CALCR: variants seen among roughly 807,000 people sequenced by gnomAD.
CALCR encodes the protein calcitonin receptor.
A neutral mutation model predicts 59.5 loss-of-function variants in CALCR; 47 were observed. That is an observed-to-expected ratio of 0.79 (90% CI 0.63 to 1.01). The LOEUF is 1.01. Among genes scored for constraint, CALCR ranks in the 50% least tolerant of loss-of-function variants. The pLI is 0.00. For missense variants in CALCR, 566 were observed against 597.1 expected, an observed-to-expected ratio of 0.95 and a Z score of 0.54; for synonymous variants, 213 against 211.3, an observed-to-expected ratio of 1.01 and a Z score of -0.07.
intron 2 of CALCR, among the ~76,000 whole-genome samples, chr7:93,569,475 C>G (rs929776169): frequency 6.6e-6 from 1 of 152,146 alleles, no homozygotes; most frequent in Non-Finnish European, 1.5e-5. Context: ...CTAGCTCATT[C>G]TGTTCTGTCA....
intron 6 of CALCR, among the ~76,000 whole-genome samples, chr7:93,471,768 T>C (rs10250228): frequency 0.46 from 70,423 of 151,518 alleles, 16,621 homozygotes; most frequent in South Asian, 0.56. Context: ...TGTTCCCCAC[T>C]CGCCATTTGC....
chr7:93,510,597 G>A (rs1801524490), intron 2 of CALCR, among the ~76,000 whole-genome samples: 1 of 152,194 alleles, frequency 6.6e-6, no homozygotes, highest in Non-Finnish European at 1.5e-5. Flanking sequence ...GTGGGGTAAG[G>A]TGGCTCAAGC....
chr7:93,460,397 T>C (rs1244550051), intron 8 of CALCR, among the ~76,000 whole-genome samples: 1 of 150,444 alleles, frequency 6.6e-6, no homozygotes, highest in Non-Finnish European at 1.5e-5. Flanking sequence ...CTACTAAAAA[T>C]ACAAAAAAAT....
chr7:93,521,948 A>G (rs1050002303), intron 2 of CALCR, among the ~76,000 whole-genome samples: 3 of 152,146 alleles, frequency 2.0e-5, no homozygotes, highest in Admixed American at 6.5e-5. Context: ...AAAACTACCA[A>G]CAAATTTCTG....
At chr7:93,456,740 A>C (rs1010531122) in intron 8 of CALCR, among the ~76,000 whole-genome samples, 5 of 152,184 alleles carry the variant, frequency 3.3e-5, no homozygotes, top group African/African-American at 1.2e-4. Context: ...GGTTAAAAAT[A>C]CATTGGAAGA....
chr7:93,523,994 CTGACTA>C (rs1316343024), intron 2 of CALCR, among the ~76,000 whole-genome samples: 3 of 151,950 alleles, frequency 2.0e-5, no homozygotes, highest in South Asian at 4.1e-4. Context: ...CTCTAAGACT[CTGACTA>C]TAACACTATA....
At chr7:93,461,405 T>C (rs1431501958) in intron 7 of CALCR, among the ~76,000 whole-genome samples, 1 of 152,142 alleles carries the variant, frequency 6.6e-6, no homozygotes, top group Non-Finnish European at 1.5e-5. Flanking sequence ...ACTGAATCTA[T>C]GTCCTTGAGC....
intron 3 of CALCR, among the ~76,000 whole-genome samples, chr7:93,480,403 C>T (rs967510293): frequency 6.6e-6 from 1 of 151,512 alleles, no homozygotes; most frequent in Non-Finnish European, 1.5e-5. Flanking sequence ...TTTGAGGAGA[C>T]CTAAAAACAT....
rs112484242 is a variant in CALCR, at chr7:93,573,735, C to A, written c.-27+554G>T. The stretch of plus-strand genomic sequence containing the variant: ...ATGAAAAAGAGTACTCTTTTGGAAA[C>A]TATGCACACAACATATTTTTCCTAA... On this transcript the variant is annotated intron_variant, in intron 2 of 13. Transcript: ENST00000426151. 7.8e-4 allele frequency among the ~76,000 whole-genome samples: 119 copies of A among 152,316 alleles called. 1 individual carries two copies. The highest frequency in any genetic ancestry group is 2.7e-3 in the African/African-American group (113 of 41,574).
At chr7:93,557,939 C>A (rs993214599) in intron 2 of CALCR, among the ~76,000 whole-genome samples, 2 of 151,990 alleles carry the variant, frequency 1.3e-5, no homozygotes, top group South Asian at 4.1e-4. Context: ...AAAGCAAGAC[C>A]CTAACTCTTT....
chr7:93,540,190 A>G (rs919835027), intron 2 of CALCR, among the ~76,000 whole-genome samples: 4 of 152,186 alleles, frequency 2.6e-5, no homozygotes, highest in Non-Finnish European at 5.9e-5. Flanking sequence ...AGGTAATTCA[A>G]TATTGGACCT....
intron 2 of CALCR, among the ~76,000 whole-genome samples, chr7:93,518,334 A>G (rs769286535): frequency 4.6e-5 from 7 of 151,874 alleles, no homozygotes; most frequent in South Asian, 4.1e-4. Context: ...AATCAATGAG[A>G]TGAAAACTCA....
chr7:93,435,304 T>A (rs942537322), intron 12 of CALCR, among the ~76,000 whole-genome samples: 2 of 152,124 alleles, frequency 1.3e-5, no homozygotes, highest in East Asian at 3.9e-4. Flanking sequence ...AAATTCCTCA[T>A]TACCCCAGAG....
At chr7:93,522,099 C>T (rs551569187) in intron 2 of CALCR, among the ~76,000 whole-genome samples, 8 of 151,888 alleles carry the variant, frequency 5.3e-5, no homozygotes, top group South Asian at 2.1e-4. Flanking sequence ...AGTGTCTGAG[C>T]GGGGATTTAT....
intron 2 of CALCR, among the ~76,000 whole-genome samples, chr7:93,492,615 G>T (rs926755946): frequency 9.2e-5 from 14 of 151,430 alleles, no homozygotes; most frequent in Non-Finnish European, 1.8e-4. Context: ...GGCACTACAT[G>T]AAATGTAAAT....
chr7:93,457,201 T>C (rs999184627), intron 8 of CALCR, among the ~76,000 whole-genome samples: 3 of 152,114 alleles, frequency 2.0e-5, no homozygotes, highest in African/African-American at 7.2e-5. Flanking sequence ...AGGGAGTTAG[T>C]CATAAGGTGA....
chr7:93,465,609 T>C (rs546025322), intron 7 of CALCR, among the ~76,000 whole-genome samples: 2 of 152,058 alleles, frequency 1.3e-5, no homozygotes, highest in Non-Finnish European at 2.9e-5. Context: ...TTCCATGAAT[T>C]AAACCTGAAA....
At chr7:93,512,890 T>C (rs1801575961) in intron 2 of CALCR, among the ~76,000 whole-genome samples, 1 of 152,228 alleles carries the variant, frequency 6.6e-6, no homozygotes, top group African/African-American at 2.4e-5. Context: ...ACATAACTTA[T>C]GATAACTGTT....
At chr7:93,568,169 A>C (rs965615341) in intron 2 of CALCR, among the ~76,000 whole-genome samples, 1 of 152,164 alleles carries the variant, frequency 6.6e-6, no homozygotes, top group Non-Finnish European at 1.5e-5. Context: ...AAGGGATATC[A>C]ATCATGATGT....
Sources: gnomAD v4.1 joint callset for allele counts (sites outside exome capture counted in the v4.1 genomes callset) on GRCh38, gnomAD v4.1.1 for gene constraint, MANE v1.5 for transcripts, NCBI Gene and HGNC (gene_info 2026-07-23, HGNC 2026-07-21) for gene names.